The following UQCRC1 variants were observed in gnomAD, a reference collection of about 807,000 sequenced individuals.
UQCRC1 encodes the protein ubiquinol-cytochrome c reductase core protein 1.
In UQCRC1, 34 loss-of-function variants were observed where a neutral mutation model predicts 58.0. The observed-to-expected ratio is 0.59, with a 90% CI of 0.45 to 0.78. The LOEUF is 0.78. Ranked by LOEUF, UQCRC1 falls within the 30% of genes least tolerant of loss-of-function variation. The pLI is 0.00. For missense variants in UQCRC1, 610 were observed against 646.0 expected (o/e 0.94, Z 0.60); for synonymous variants, 276 against 248.8 (o/e 1.11, Z -1.03).
At chr3:48,602,144 G>A (rs1354199680) in intron 6 of UQCRC1, among the ~76,000 whole-genome samples, 2 of 150,810 alleles carry the variant, frequency 1.3e-5, no homozygotes, top group Non-Finnish European at 2.9e-5. Context: ...TCCACCTCCC[G>A]GGTCCACGCC....
At chr3:48,607,304 G>C (rs1167896634) in intron 2 of UQCRC1, among the ~76,000 whole-genome samples, 1 of 152,088 alleles carries the variant, frequency 6.6e-6, no homozygotes, top group Non-Finnish European at 1.5e-5. Flanking sequence ...GCCTCCCAAA[G>C]TGCTGGGATT....
intron 12 of UQCRC1, 153 bp from the exon 13 acceptor site, chr3:48,599,345 G>A (rs915855570): frequency 2.2e-6 from 2 of 921,088 alleles, no homozygotes; most frequent in Non-Finnish European, 3.2e-6. Flanking sequence ...CAGGGGTGCT[G>A]AGCCTGTCCC....
chr3:48,604,163 G>A, intron 5 of UQCRC1, 70 bp downstream of exon 5: 1 of 1,540,412 alleles, frequency 6.5e-7, no homozygotes, highest in Non-Finnish European at 8.9e-7. Context: ...AACTAAAAAT[G>A]TGACCTGGAA....
rs1457495265 is a variant in UQCRC1, at chr3:48,600,014, G to T, written c.1302+49C>A. ...CAGGCCCCAACCCTACACCTCCCAG[G>T]TGTCTGCCAGGCCAAGACTCCAGAA... On this transcript the variant is annotated intron_variant, in intron 11 of 12. Transcript: ENST00000203407. 4.4e-6 allele frequency: 7 copies of T among 1,608,934 alleles called. No individual in the cohort carries two copies. In the East Asian group the frequency reaches 1.6e-4, roughly 36 times the overall value.
At chr3:48,605,723 C>A (rs765243976) in intron 3 of UQCRC1, 47 bp downstream of exon 3, 5 of 1,578,534 alleles carry the variant, frequency 3.2e-6, no homozygotes, top group Admixed American at 3.6e-5. Context: ...TCAGGAGGGA[C>A]AACAGGCAGC....
intron 3 of UQCRC1, 91 bp downstream of exon 3, chr3:48,605,679 C>T: frequency 1.5e-6 from 2 of 1,296,132 alleles, no homozygotes; most frequent in Non-Finnish European, 2.2e-6. Context: ...GCAACTGAGG[C>T]CCATAATCAG....
At position 48,599,016 on chromosome 3, in the gene UQCRC1, T is replaced by G; in HGVS notation, c.*112A>C. On this transcript the variant is annotated 3_prime_UTR_variant, in exon 13 of 13. Coordinates refer to ENST00000203407, the MANE Select transcript of UQCRC1 (RefSeq NM_003365.3). ...GGATGACACACTTCTCAGCAGAGGA[T>G]TTTATTGGTGGTCACCTGTGGCACA... 15 of 1,252,048 alleles carry G rather than the reference T, an allele frequency of 1.2e-5. No homozygotes were observed. Among genetic ancestry groups the G allele is most frequent in the Non-Finnish European group, 1.6e-5 (14 of 886,316 alleles). 77.6% of individuals were successfully genotyped at this position (1,252,048 alleles called of 1,614,324 possible). A position where few individuals can be genotyped will look rare whatever the true frequency, so the allele number is the denominator to read the frequency against.
rs61304820 is a variant in UQCRC1 at position 48,601,687 on chromosome 3, C to A, written c.707-220G>T. On this transcript the variant is annotated intron_variant, in intron 6 of 12. Transcript: ENST00000203407. ...GCCAAATAGCTCCCATGGCCTCAGT[C>A]CCAGGAGAGCAAAAGCGTTCAGAGT... 4.3e-3 allele frequency among the ~76,000 whole-genome samples: 660 copies of A among 152,334 alleles called. 4 individuals are homozygous for A. Among genetic ancestry groups the A allele is most frequent in the African/African-American group, 0.015 (636 of 41,566 alleles).
At chr3:48,604,029 C>T in intron 5 of UQCRC1, 1 of 633,700 alleles carries the variant, frequency 1.6e-6, no homozygotes, top group Admixed American at 2.9e-5. Flanking sequence ...CAAAACATAC[C>T]TTAAAACAAA....
At position 48,609,522 on chromosome 3, in the gene UQCRC1, C is replaced by G. The variant is rs755134512; in HGVS notation, c.69+30G>C. 3.9e-6 allele frequency: 6 copies of G among 1,550,704 alleles called. No homozygotes were observed. The Admixed American group carries it at 1.1e-4, about 29-fold the overall frequency. The stretch of plus-strand genomic sequence containing the variant: ...CTGTCCGCTTCCCGAAGCCCTGTCC[C>G]GAAGCCCCGCGCTCTCGCCACCACC... On this transcript the variant is annotated intron_variant, in intron 1 of 12. Transcript: ENST00000203407.
chr3:48,606,928 C>A (rs189805082), intron 2 of UQCRC1, among the ~76,000 whole-genome samples: 4 of 150,522 alleles, frequency 2.7e-5, no homozygotes, highest in Admixed American at 1.3e-4. Flanking sequence ...GGTGTGATGT[C>A]GGCTCACTCA....
chr3:48,599,735 C>G, intron 11 of UQCRC1, 25 bp from the exon 12 acceptor site: 1 of 1,612,634 alleles, frequency 6.2e-7, no homozygotes, highest in Non-Finnish European at 8.5e-7. Context: ...AGAGGGCATA[C>G]TGGCTAACGG....
At chr3:48,609,365 C>T in intron 1 of UQCRC1, 63 bp from the exon 2 acceptor site, 2 of 1,564,762 alleles carry the variant, frequency 1.3e-6, no homozygotes, top group East Asian at 2.3e-5. Flanking sequence ...CCTCCCAGGT[C>T]CTCAGGAGGA....
intron 2 of UQCRC1, among the ~76,000 whole-genome samples, chr3:48,606,305 G>A (rs1008129719): frequency 2.0e-5 from 3 of 152,144 alleles, no homozygotes; most frequent in Admixed American, 1.3e-4. Flanking sequence ...GGGACTATTG[G>A]TTTAGACTGT....
chr3:48,605,744 G>A (rs1431336737), intron 3 of UQCRC1, 26 bp downstream of exon 3: 2 of 1,610,398 alleles, frequency 1.2e-6, no homozygotes, highest in Non-Finnish European at 1.7e-6. Flanking sequence ...CCTAAGCCCA[G>A]AGGAGACAGA....
At chr3:48,609,115 GC>G in intron 2 of UQCRC1, 46 bp downstream of exon 2, 1 of 1,567,510 alleles carries the variant, frequency 6.4e-7, no homozygotes, top group Non-Finnish European at 8.7e-7. Context: ...GGAAAAGACG[GC>G]AGGCCCAACC....
intron 2 of UQCRC1, among the ~76,000 whole-genome samples, 179 bp from the exon 3 acceptor site, chr3:48,606,035 G>A (rs1334701497): frequency 2.0e-5 from 3 of 152,152 alleles, no homozygotes; most frequent in African/African-American, 7.2e-5. Flanking sequence ...GAAAACAGGG[G>A]CAGCCGAATG....
Position 48,599,139 on chromosome 3 carries a change from G to T in UQCRC1, c.1432C>A (p.Leu478Met). 4 of 1,612,070 alleles carry T rather than the reference G, an allele frequency of 2.5e-6. No homozygotes were observed. In the South Asian group the frequency reaches 4.4e-5, roughly 18 times the overall value. ...YNRIRSGMFW[L>M]RF is the part of the protein sequence containing the mutation. ...CATAGGCTTCCCGCCTAGAAGCGCAGCCAGAACATGCCGCTACGGATCCGG... is the reference window on the plus strand; with the variant it reads ...CATAGGCTTCCCGCCTAGAAGCGCATCCAGAACATGCCGCTACGGATCCGG... Residue 478 changes from leucine to methionine, a missense_variant, in exon 13 of 13, where the codon CTG (leucine) becomes ATG (methionine). Transcript: ENST00000203407.
At chr3:48,609,140 C>T (rs1404179092) in intron 2 of UQCRC1, 22 bp downstream of exon 2, 2 of 1,595,412 alleles carry the variant, frequency 1.3e-6, no homozygotes, top group East Asian at 2.3e-5. Context: ...AGGCCCTCTC[C>T]CCAAAAGCGT....
Sources: allele counts gnomAD v4.1 joint callset (sites outside exome capture counted in the v4.1 genomes callset), GRCh38; gene constraint gnomAD v4.1.1; transcripts MANE v1.5; gene names NCBI Gene and HGNC (gene_info 2026-07-23, HGNC 2026-07-21).